CACNA2D1: variants seen among roughly 807,000 people sequenced by gnomAD.
CACNA2D1 encodes the protein voltage-dependent calcium channel subunit alpha-2/delta-1.
CACNA2D1 carries 53 observed loss-of-function variants against 171.5 expected under a neutral mutation model. The observed-to-expected ratio is 0.31, with a 90% CI of 0.25 to 0.39. The LOEUF (loss-of-function observed/expected upper bound fraction) is 0.39. CACNA2D1 is among the 10% of genes least tolerant of loss of function. The pLI is 1.00. For synonymous variants in CACNA2D1, 442 were observed against 443.1 expected, an observed-to-expected ratio of 1.00 and a Z score of 0.03; for missense variants, 903 against 1,299.8, an observed-to-expected ratio of 0.69 and a Z score of 4.69.
intron 3 of CACNA2D1, among the ~76,000 whole-genome samples, chr7:82,210,955 G>GT (rs1341744897): frequency 1.3e-5 from 2 of 152,076 alleles, no homozygotes; most frequent in Non-Finnish European, 2.9e-5. Context: ...AATACCTGAG[G>GT]TTTTTTATGT....
chr7:82,115,062 A>C (rs1216085492), intron 6 of CACNA2D1, among the ~76,000 whole-genome samples: 1 of 152,202 alleles, frequency 6.6e-6, no homozygotes, highest in Non-Finnish European at 1.5e-5. Context: ...AACAACATTC[A>C]AGTTGGCTTC....
intron 3 of CACNA2D1, among the ~76,000 whole-genome samples, chr7:82,235,227 G>A (rs1803427614): frequency 6.6e-6 from 1 of 151,930 alleles, no homozygotes; most frequent in Non-Finnish European, 1.5e-5. Flanking sequence ...TATTCTCTCT[G>A]GTACATTCGG....
intron 10 of CACNA2D1, among the ~76,000 whole-genome samples, chr7:82,048,407 T>A (rs893887344): frequency 1.3e-5 from 2 of 152,132 alleles, no homozygotes; most frequent in African/African-American, 4.8e-5. Context: ...TAGAAAAAAT[T>A]GCCAATATTT....
rs769232295 is a variant in CACNA2D1, at chr7:81,964,368, G to GA, written c.2575-10dup. 16 of 1,609,940 alleles carry GA rather than the reference G, an allele frequency of 9.9e-6. No homozygotes were observed. Among genetic ancestry groups the GA allele is most frequent in the East Asian group, 2.2e-5 (1 of 44,688 alleles). On this transcript the variant is annotated splice_polypyrimidine_tract_variant and intron_variant, in intron 32 of 38. Transcript: ENST00000356860. ...CCAAAAAATCTTCCAATCTGGTGAA[G>GA]AAAAAAATCATAAAGCAACGTGCAC...
At chr7:82,408,432 G>A (rs918420982) in intron 1 of CACNA2D1, among the ~76,000 whole-genome samples, 4 of 152,050 alleles carry the variant, frequency 2.6e-5, no homozygotes, top group Non-Finnish European at 4.4e-5. Flanking sequence ...GACAGTACAC[G>A]AAACCTGACT....
intron 3 of CACNA2D1, among the ~76,000 whole-genome samples, chr7:82,218,993 A>G (rs1480525387): frequency 1.3e-5 from 2 of 152,154 alleles, no homozygotes; most frequent in Non-Finnish European, 2.9e-5. Context: ...CTCCATTTAA[A>G]AGGCAGCTTC....
chr7:82,046,413 T>G (rs1221096537), intron 10 of CACNA2D1, among the ~76,000 whole-genome samples: 1 of 152,208 alleles, frequency 6.6e-6, no homozygotes, highest in African/African-American at 2.4e-5. Context: ...TGGCTGCTGG[T>G]TTGCGGTTTC....
At chr7:82,379,115 GAGA>G (rs1188086090) in intron 1 of CACNA2D1, among the ~76,000 whole-genome samples, 1 of 152,066 alleles carries the variant, frequency 6.6e-6, no homozygotes, top group Admixed American at 6.6e-5. Flanking sequence ...AGGGGACTGG[GAGA>G]AGAAGTGGTG....
intron 4 of CACNA2D1, among the ~76,000 whole-genome samples, chr7:82,166,176 T>C (rs778856792): frequency 1.3e-5 from 2 of 152,004 alleles, no homozygotes; most frequent in Non-Finnish European, 2.9e-5. Context: ...ATTTAAAATA[T>C]CAACATTTCA....
intron 7 of CACNA2D1, among the ~76,000 whole-genome samples, chr7:82,080,643 A>T (rs1809634922): frequency 6.6e-6 from 1 of 152,220 alleles, no homozygotes; most frequent in Non-Finnish European, 1.5e-5. Context: ...TGCTTATTTG[A>T]AATTGACATT....
chr7:82,279,504 A>G (rs1466788704), intron 3 of CACNA2D1, among the ~76,000 whole-genome samples: 2 of 152,178 alleles, frequency 1.3e-5, no homozygotes, highest in African/African-American at 4.8e-5. Context: ...TCTCTAGGGC[A>G]TTTCTTCATC....
intron 1 of CACNA2D1, among the ~76,000 whole-genome samples, chr7:82,381,674 A>G (rs925934520): frequency 6.7e-6 from 1 of 149,492 alleles, no homozygotes; most frequent in African/African-American, 2.5e-5. Context: ...TGTCTTTCTC[A>G]TCTTAAGCAC....
rs184261698 is a variant in CACNA2D1, at chr7:81,974,543, G to A, written c.1965C>T (p.Cys655=). The A allele has an allele frequency of 7.2e-5, 109 of 1,505,404 alleles. 1 individual carries two copies. The African/African-American group carries it at 1.1e-3, about 16-fold the overall frequency. 93.3% of individuals were successfully genotyped at this position (1,505,404 alleles called of 1,614,324 possible). Residue 655 remains cysteine, a synonymous_variant, in exon 25 of 39, where the codon TGC becomes TGT. Transcript: ENST00000356860. ...GYTFIAPRDY[C]NDLKISDNNT... is the part of the protein sequence containing the mutation. Reference sequence around the variant, plus strand: ...TATTATCCGATATTTTCAGGTCATTGCAGTAATCTCTGAAAAAAAAACATT... The same window carrying A: ...TATTATCCGATATTTTCAGGTCATTACAGTAATCTCTGAAAAAAAAACATT...
At chr7:82,224,672 C>T (rs1802164860) in intron 3 of CACNA2D1, among the ~76,000 whole-genome samples, 1 of 152,314 alleles carries the variant, frequency 6.6e-6, no homozygotes, top group Middle Eastern at 3.4e-3. Flanking sequence ...ATGTAGCTCC[C>T]TGTCTTAACA....
chr7:82,094,755 T>C (rs1283415784), intron 6 of CACNA2D1, among the ~76,000 whole-genome samples: 1 of 67,620 alleles, frequency 1.5e-5, no homozygotes, highest in Non-Finnish European at 2.9e-5. Flanking sequence ...AAGACTTTTC[T>C]AAATGACTTA....
chr7:82,047,605 A>AT (rs1032215486), intron 10 of CACNA2D1, among the ~76,000 whole-genome samples: 1 of 152,100 alleles, frequency 6.6e-6, no homozygotes, highest in African/African-American at 2.4e-5. Context: ...CATCTAGTAC[A>AT]TTTTTTGTTC....
intron 7 of CACNA2D1, among the ~76,000 whole-genome samples, chr7:82,072,261 TGA>T (rs1205931913): frequency 6.6e-6 from 1 of 152,054 alleles, no homozygotes; most frequent in African/African-American, 2.4e-5. Flanking sequence ...GATGAACACT[TGA>T]GGTGATGAAT....
intron 10 of CACNA2D1, among the ~76,000 whole-genome samples, chr7:82,039,178 G>C (rs982435018): frequency 2.6e-5 from 4 of 152,106 alleles, no homozygotes; most frequent in Non-Finnish European, 1.5e-5. Flanking sequence ...AAATGTTAAA[G>C]ATATTTTCAC....
At chr7:82,079,297 G>T (rs1352185559) in intron 7 of CACNA2D1, among the ~76,000 whole-genome samples, 2 of 152,144 alleles carry the variant, frequency 1.3e-5, no homozygotes, top group South Asian at 2.1e-4. Context: ...TGAGGTCAAT[G>T]AGGACTTTCC....
Sources: gnomAD v4.1 joint callset for allele counts (sites outside exome capture counted in the v4.1 genomes callset) on GRCh38, gnomAD v4.1.1 for gene constraint, MANE v1.5 for transcripts, NCBI Gene and HGNC (gene_info 2026-07-23, HGNC 2026-07-21) for gene names.